The following CDC16 variants were observed in gnomAD, a reference collection of about 807,000 sequenced individuals.
The protein encoded by CDC16 is cell division cycle 16, also known as cell division cycle protein 16 homolog.
A neutral mutation model predicts 87.0 loss-of-function variants in CDC16; 34 were observed. The observed-to-expected ratio is 0.39, with a 90% CI of 0.30 to 0.52. CDC16 has a LOEUF of 0.52. CDC16 is among the 20% of genes least tolerant of loss of function. The pLI, the probability that CDC16 is intolerant of heterozygous loss-of-function variation, is 0.74. For missense variants in CDC16, 653 were observed against 751.9 expected (o/e 0.87, Z 1.54); for synonymous variants, 263 against 260.6 (o/e 1.01, Z -0.09).
At chr13:114,255,193 A>C (rs2082422276) in intron 12 of CDC16, among the ~76,000 whole-genome samples, 1 of 152,204 alleles carries the variant, frequency 6.6e-6, no homozygotes, top group East Asian at 1.9e-4. Context: ...AGATTTTCTC[A>C]ATTATACATT....
At chr13:114,265,302 G>A (rs2083132226) in intron 17 of CDC16, 62 bp downstream of exon 17, 3 of 1,040,738 alleles carry the variant, frequency 2.9e-6, no homozygotes, top group Non-Finnish European at 4.5e-6. Context: ...ATATGTCTCT[G>A]TTTATGTTTC....
intron 1 of CDC16, 34 bp from the exon 2 acceptor site, chr13:114,236,611 G>A (rs1304514603): frequency 1.3e-6 from 2 of 1,593,426 alleles, no homozygotes; most frequent in Non-Finnish European, 1.7e-6. Context: ...AAATAACAGG[G>A]CAGTTACCAC....
chr13:114,238,703 T>G (rs148914122), intron 3 of CDC16, among the ~76,000 whole-genome samples: 294 of 152,348 alleles, frequency 1.9e-3, no homozygotes, highest in African/African-American at 6.7e-3. Context: ...CTCCACCTGG[T>G]TGATGCTTTC....
At chr13:114,247,041 A>G (rs1407967771) in intron 11 of CDC16, 37 bp downstream of exon 11, 2 of 1,288,260 alleles carry the variant, frequency 1.6e-6, no homozygotes, top group Non-Finnish European at 2.3e-6. Flanking sequence ...GTTAACCTGT[A>G]GAATTGATGT....
At chr13:114,270,334 CGA>C (rs1419490211) in intron 17 of CDC16, among the ~76,000 whole-genome samples, 2 of 152,112 alleles carry the variant, frequency 1.3e-5, no homozygotes, top group Non-Finnish European at 2.9e-5. Flanking sequence ...CTCACTATCA[CGA>C]GAACAGCACC....
chr13:114,253,748 TC>T (rs1334272259), intron 12 of CDC16, among the ~76,000 whole-genome samples: 1 of 152,070 alleles, frequency 6.6e-6, no homozygotes, highest in Non-Finnish European at 1.5e-5. Flanking sequence ...TATAGATTGT[TC>T]CAGATTATTT....
In CDC16 at chr13:114,261,907, A is replaced by G. The variant is rs1209424927; in HGVS notation, c.1335A>G (p.Glu445=). ...TTTAGGTAACAGTTGACAAATGGGA[A>G]CCTTTGTTGAACAACTTGGGGCATG... ...IGNEVTVDKW[E]PLLNNLGHVC... Residue 445 remains glutamate (E), a synonymous_variant, in exon 15 of 18, where the codon GAA becomes GAG. Transcript: ENST00000356221. 1 of 1,603,950 alleles carries G rather than the reference A, an allele frequency of 6.2e-7. No individual in the cohort carries two copies. Among genetic ancestry groups the G allele is most frequent in the East Asian group, 2.3e-5 (1 of 44,058 alleles).
intron 1 of CDC16, among the ~76,000 whole-genome samples, chr13:114,235,724 TTGGAAAGAAA>T (rs1310520406): frequency 2.6e-5 from 4 of 152,136 alleles, no homozygotes; most frequent in Admixed American, 6.5e-5. Context: ...TTTCAGGAAA[TTGGAAAGAAA>T]GGGAAAGAAA....
rs773189316 is a variant in CDC16 at position 114,261,881 on chromosome 13, T to C, written c.1315-6T>C. On this transcript the variant is annotated splice_region_variant and splice_polypyrimidine_tract_variant and intron_variant, in intron 14 of 17. Coordinates refer to ENST00000356221, the MANE Select transcript of CDC16 (RefSeq NM_001078645.3). ...AACTCGTGGGCTTGATGTTGCTATG[T>C]TTTAGGTAACAGTTGACAAATGGGA... is the stretch of plus-strand genomic sequence containing the variant. 1 of 1,595,688 alleles carries C rather than the reference T, an allele frequency of 6.3e-7. No homozygotes were observed. Among genetic ancestry groups the C allele is most frequent in the African/African-American group, 1.4e-5 (1 of 74,058 alleles).
At chr13:114,249,742 C>G (rs1200298182) in intron 11 of CDC16, among the ~76,000 whole-genome samples, 1 of 152,102 alleles carries the variant, frequency 6.6e-6, no homozygotes, top group East Asian at 1.9e-4. Context: ...ATGAATTTAT[C>G]TTGCAAGTTA....
At position 114,270,320 on chromosome 13, in the gene CDC16, A is replaced by G. The variant is rs189959279; in HGVS notation, c.1604-1864A>G. 2.0e-4 allele frequency among the ~76,000 whole-genome samples: 31 copies of G among 152,270 alleles called. No homozygotes were observed. In the East Asian group the frequency reaches 5.4e-3, roughly 27 times the overall value. Reference sequence around the variant, plus strand: ...GAGGTGCTACATACTTTAAACAACCAGAACTCACTATCACGAGAACAGCAC... The same window carrying G: ...GAGGTGCTACATACTTTAAACAACCGGAACTCACTATCACGAGAACAGCAC... On this transcript the variant is annotated intron_variant, in intron 17 of 17. Transcript: ENST00000356221.
intron 11 of CDC16, 28 bp from the exon 12 acceptor site, chr13:114,250,521 A>G (rs2138992591): frequency 6.3e-7 from 1 of 1,588,140 alleles, no homozygotes; most frequent in Non-Finnish European, 8.6e-7. Context: ...TAAATACTAT[A>G]TGACTTAAAT....
chr13:114,255,925 G>T (rs902067123), intron 12 of CDC16, among the ~76,000 whole-genome samples: 45 of 152,330 alleles, frequency 3.0e-4, no homozygotes, highest in African/African-American at 1.0e-3. Context: ...AGCCCAGGGG[G>T]CTCTTTTAGG....
intron 1 of CDC16, among the ~76,000 whole-genome samples, chr13:114,235,923 A>G (rs2081226322): frequency 6.6e-6 from 1 of 152,222 alleles, no homozygotes; most frequent in Admixed American, 6.5e-5. Flanking sequence ...GTTTCCAGCC[A>G]GAGACACCGG....
chr13:114,238,021 C>T (rs1408579406), intron 3 of CDC16, among the ~76,000 whole-genome samples: 1 of 152,198 alleles, frequency 6.6e-6, no homozygotes, highest in Non-Finnish European at 1.5e-5. Context: ...ACCATCAATA[C>T]CTGGAGCACG....
chr13:114,257,054 A>G, intron 12 of CDC16, 24 bp from the exon 13 acceptor site: 1 of 1,485,790 alleles, frequency 6.7e-7, no homozygotes, highest in Non-Finnish European at 9.2e-7. Flanking sequence ...GGTGTTGAAT[A>G]TGTGAAATTT....
At chr13:114,245,890 A>G in intron 9 of CDC16, 110 bp from the exon 10 acceptor site, 1 of 661,658 alleles carries the variant, frequency 1.5e-6, no homozygotes, top group South Asian at 1.8e-5. Context: ...CAAGTATGAA[A>G]TCATTGCTGT....
chr13:114,259,173 C>T (rs932962317), intron 13 of CDC16, among the ~76,000 whole-genome samples, 162 bp from the exon 14 acceptor site: 2 of 151,430 alleles, frequency 1.3e-5, no homozygotes, highest in Non-Finnish European at 2.9e-5. Flanking sequence ...ATATTAATGC[C>T]GTAAAATTAA....
chr13:114,250,574 T>A lies in CDC16; in HGVS notation c.997T>A (p.Tyr333Asn). Residue 333 changes from tyrosine to asparagine, a missense_variant, in exon 12 of 18, where the codon TAT becomes AAT. Tyr to Asn is a moderately radical substitution (Grantham distance 143). Coordinates refer to ENST00000356221, the MANE Select transcript of CDC16 (RefSeq NM_001078645.3). ...CAAAGCCACAACACTTGAGAAAACC[T>A]ATGGACCTGCATGGATAGCCTATGG... Reference protein sequence around the residue: ...LSKATTLEKTYGPAWIAYGHS... With the variant: ...LSKATTLEKTNGPAWIAYGHS... 1 of 1,613,676 alleles carries A rather than the reference T, an allele frequency of 6.2e-7. No homozygotes were observed. Among genetic ancestry groups the A allele is most frequent in the Non-Finnish European group, 8.5e-7 (1 of 1,179,814 alleles).
Sources: gnomAD v4.1 joint callset for allele counts (sites outside exome capture counted in the v4.1 genomes callset) on GRCh38, gnomAD v4.1.1 for gene constraint, MANE v1.5 for transcripts, NCBI Gene and HGNC (gene_info 2026-07-23, HGNC 2026-07-21) for gene names.